THRB: variants seen among roughly 807,000 people sequenced by gnomAD.
THRB encodes nuclear receptor subfamily 1 group A member 2.
A neutral mutation model predicts 47.8 loss-of-function variants in THRB; 12 were observed. That is an observed-to-expected ratio of 0.25 (90% CI 0.16 to 0.41). The LOEUF (loss-of-function observed/expected upper bound fraction) is 0.41, where lower values mean the gene tolerates loss of function less well. THRB is among the 10% of genes least tolerant of loss of function. THRB has a pLI of 1.00. For synonymous variants in THRB, 218 were observed against 212.2 expected (o/e 1.03, Z -0.24); for missense variants, 348 against 589.2 (o/e 0.59, Z 4.24).
At chr3:24,482,453 T>C (rs1696587475) in intron 1 of THRB, among the ~76,000 whole-genome samples, 2 of 152,146 alleles carry the variant, frequency 1.3e-5, no homozygotes, top group Admixed American at 6.5e-5. Flanking sequence ...CAAGCATAGA[T>C]ACCTACCCTT....
intron 1 of THRB, among the ~76,000 whole-genome samples, chr3:24,399,079 G>C (rs1313954097): frequency 1.3e-5 from 2 of 151,932 alleles, no homozygotes; most frequent in East Asian, 3.9e-4. Flanking sequence ...GGCCTGTTGT[G>C]GGGTGGGGGG....
intron 1 of THRB, among the ~76,000 whole-genome samples, chr3:24,413,042 A>T (rs1169184513): frequency 3.9e-5 from 6 of 151,982 alleles, no homozygotes; most frequent in Middle Eastern, 3.4e-3. Flanking sequence ...TTATAGGTGG[A>T]TTGTAAGTTG....
intron 3 of THRB, among the ~76,000 whole-genome samples, chr3:24,272,356 C>CAACAACAAT: frequency 6.6e-6 from 1 of 150,724 alleles, no homozygotes; most frequent in East Asian, 1.9e-4. Flanking sequence ...AAAACAACAA[C>CAACAACAAT]AACAACAACA....
At chr3:24,453,372 G>C (rs747041882) in intron 1 of THRB, among the ~76,000 whole-genome samples, 4 of 152,194 alleles carry the variant, frequency 2.6e-5, no homozygotes, top group Admixed American at 6.5e-5. Flanking sequence ...GCTAGTAAGA[G>C]AGGAAGTTAG....
chr3:24,322,785 A>G (rs1576830309), intron 2 of THRB, among the ~76,000 whole-genome samples: 1 of 152,308 alleles, frequency 6.6e-6, no homozygotes, highest in Admixed American at 6.5e-5. Flanking sequence ...TCTATGGCTG[A>G]TCAATATATG....
intron 3 of THRB, among the ~76,000 whole-genome samples, chr3:24,247,481 C>G (rs550797588): frequency 2.0e-4 from 31 of 152,280 alleles, no homozygotes; most frequent in Middle Eastern, 6.8e-3. Flanking sequence ...AGATGTGACT[C>G]CCTTGCCCAA....
At chr3:24,350,311 T>G (rs777523360) in intron 1 of THRB, among the ~76,000 whole-genome samples, 1 of 152,092 alleles carries the variant, frequency 6.6e-6, no homozygotes, top group Middle Eastern at 3.2e-3. Context: ...CTCCTAAAGC[T>G]GAATACACAT....
At chr3:24,374,801 T>C (rs1395837597) in intron 1 of THRB, among the ~76,000 whole-genome samples, 1 of 152,142 alleles carries the variant, frequency 6.6e-6, no homozygotes, top group Non-Finnish European at 1.5e-5. Flanking sequence ...ATCATGTTGG[T>C]TGCTAATAAA....
chr3:24,276,298 G>C (rs942819658), intron 3 of THRB, among the ~76,000 whole-genome samples: 2 of 152,110 alleles, frequency 1.3e-5, no homozygotes, highest in African/African-American at 2.4e-5. Context: ...TTCACCATTA[G>C]CTCTTAATAG....
intron 5 of THRB, 77 bp downstream of exon 5, chr3:24,189,981 GGAAGAGAAATGTAGAT>G (rs1416088073): frequency 5.5e-6 from 7 of 1,262,528 alleles, no homozygotes; most frequent in Non-Finnish European, 8.1e-6. Flanking sequence ...ACCATACATT[GGAAGAGAAATGTAGAT>G]GAAGTACACA....
chr3:24,310,530 C>T (rs2057681911), intron 2 of THRB, among the ~76,000 whole-genome samples: 1 of 152,312 alleles, frequency 6.6e-6, no homozygotes, highest in Non-Finnish European at 1.5e-5. Context: ...TGGGCCCCAT[C>T]CCTAGAGCTT....
chr3:24,465,781 AG>A (rs2074096236), intron 1 of THRB, among the ~76,000 whole-genome samples: 1 of 152,186 alleles, frequency 6.6e-6, no homozygotes, highest in African/African-American at 2.4e-5. Context: ...TTCAAGTTCA[AG>A]AGATTTTTTT....
chr3:24,470,192 G>GA (rs1254837183), intron 1 of THRB, among the ~76,000 whole-genome samples: 2 of 152,154 alleles, frequency 1.3e-5, no homozygotes, highest in Admixed American at 6.5e-5. Context: ...CCAGACGCTA[G>GA]ATAGGCACAT....
intron 10 of THRB, among the ~76,000 whole-genome samples, chr3:24,123,799 G>T (rs953541813): frequency 2.0e-5 from 3 of 152,152 alleles, no homozygotes; most frequent in Non-Finnish European, 4.4e-5. Flanking sequence ...GAAGAGAACA[G>T]CTATAGTGGG....
intron 3 of THRB, among the ~76,000 whole-genome samples, chr3:24,288,275 T>C (rs1270808185): frequency 1.3e-5 from 2 of 152,224 alleles, no homozygotes; most frequent in Non-Finnish European, 2.9e-5. Flanking sequence ...AGAAATGAAG[T>C]ATGATTGGCA....
chr3:24,138,213 T>C (rs990099575), intron 8 of THRB, among the ~76,000 whole-genome samples: 3 of 152,122 alleles, frequency 2.0e-5, no homozygotes, highest in African/African-American at 7.2e-5. Flanking sequence ...CTCTGACACA[T>C]GCAGAATGGA....
chr3:24,300,123 A>G (rs537318069), intron 2 of THRB, among the ~76,000 whole-genome samples: 302 of 152,242 alleles, frequency 2.0e-3, no homozygotes, highest in African/African-American at 6.3e-3. Flanking sequence ...GGAATTTAGC[A>G]TATACTCACA....
intron 1 of THRB, among the ~76,000 whole-genome samples, chr3:24,400,105 G>T (rs919298811): frequency 2.6e-5 from 4 of 152,080 alleles, no homozygotes; most frequent in African/African-American, 4.8e-5. Flanking sequence ...TGAGCCCTAG[G>T]AGTTAATGAC....
chr3:24,127,821 C>T, intron 9 of THRB, 64 bp from the exon 10 acceptor site: 1 of 1,562,632 alleles, frequency 6.4e-7, no homozygotes, highest in Admixed American at 1.7e-5. Context: ...GAACAACATA[C>T]AGTATCTTAA....
Sources: gnomAD v4.1 joint callset for allele counts (sites outside exome capture counted in the v4.1 genomes callset) on GRCh38, gnomAD v4.1.1 for gene constraint, MANE v1.5 for transcripts, NCBI Gene and HGNC (gene_info 2026-07-23, HGNC 2026-07-21) for gene names.